The following WDR33 variants were observed in gnomAD, a reference collection of about 807,000 sequenced individuals.
WDR33 encodes WD repeat domain 33, also known as pre-mRNA 3' end processing protein WDR33.
In WDR33, 47 loss-of-function variants were observed where a neutral mutation model predicts 164.9. The ratio of observed to expected loss-of-function variants is 0.29; its 90% CI spans 0.23 to 0.36. The LOEUF (loss-of-function observed/expected upper bound fraction) is 0.36. WDR33 is among the 10% of genes least tolerant of loss of function. The probability of loss-of-function intolerance (pLI) is 1.00; values close to 1 mark genes in which losing one functional copy is unlikely to be tolerated. For missense variants in WDR33, 1,137 were observed against 1,754.1 expected, an observed-to-expected ratio of 0.65 and a Z score of 6.28; for synonymous variants, 505 against 589.0, an observed-to-expected ratio of 0.86 and a Z score of 2.06.
chr2:127,721,740 A>C lies in WDR33; in HGVS notation c.1671+96T>G. On this transcript the variant is annotated intron_variant, in intron 15 of 21. Coordinates refer to ENST00000322313, the MANE Select transcript of WDR33 (RefSeq NM_018383.5). The surrounding 1 kb of genome is among the most constrained non-coding windows in gnomAD (Gnocchi z 4.9). ...ATGGCGGTGTTTGTCAGACCATGGG[A>C]GAGCCCCTTCCCTTTTCCTTAAGAG... is the stretch of plus-strand genomic sequence containing the variant. The C allele has an allele frequency of 5.3e-6, 7 of 1,311,406 alleles. No individual in the cohort carries two copies. Among genetic ancestry groups the C allele is most frequent in the East Asian group, 2.5e-5 (1 of 39,620 alleles). The allele number at this position is 1,311,406 out of a possible 1,614,324, so 81.2% of individuals were successfully genotyped here. A position where few individuals can be genotyped will look rare whatever the true frequency, so the allele number is the denominator to read the frequency against.
Position 127,755,792 on chromosome 2 carries a change from C to T in WDR33, c.724+7270G>A, listed in dbSNP as rs1200990453. 5.3e-5 allele frequency among the ~76,000 whole-genome samples: 8 copies of T among 152,272 alleles called. No individual in the cohort carries two copies. In the East Asian group the frequency reaches 1.5e-3, roughly 29 times the overall value. ...ATCACAAACTACTTTTGTTTAATAA[C>T]ATTAAAAATGTCTGTTGGAGACAAA... On this transcript the variant is annotated intron_variant, in intron 7 of 21. Transcript: ENST00000322313.
intron 1 of WDR33, among the ~76,000 whole-genome samples, chr2:127,794,081 G>A (rs1041812218): frequency 5.3e-5 from 8 of 151,868 alleles, no homozygotes; most frequent in African/African-American, 1.5e-4. Context: ...TGCAGTGGTC[G>A]AGGCTACAGT....
Position 127,759,271 on chromosome 2 carries a change from T to C in WDR33, c.724+3791A>G, listed in dbSNP as rs13404084. 7.0e-3 allele frequency among the ~76,000 whole-genome samples: 1,066 copies of C among 152,358 alleles called. 10 individuals are homozygous for C. The highest frequency in any genetic ancestry group is 0.024 in the African/African-American group (1,014 of 41,572). On this transcript the variant is annotated intron_variant, in intron 7 of 21. Transcript: ENST00000322313. ...CAACTTATGTACCAACAAGGACTTTTGTATAACAAATCCACCGTCAACAGA... is the reference window on the plus strand; with the variant it reads ...CAACTTATGTACCAACAAGGACTTTCGTATAACAAATCCACCGTCAACAGA...
chr2:127,763,818 T>A lies in WDR33; in HGVS notation c.627-659A>T. The A allele has an allele frequency of 2.0e-6, 2 of 985,594 alleles. No individual in the cohort carries two copies. The highest frequency in any genetic ancestry group is 9.4e-5 in the South Asian group (2 of 21,292). 61.1% of individuals were successfully genotyped at this position (985,594 alleles called of 1,614,324 possible). On this transcript the variant is annotated intron_variant, in intron 6 of 21. Coordinates refer to ENST00000322313, the MANE Select transcript of WDR33 (RefSeq NM_018383.5). This position sits in a 1 kb window ranked among gnomAD's most constrained non-coding sequence, Gnocchi z 4.5. ...GTCAGTTTTTCCCAGCAGTGAAAGA[T>A]CATCAAGTTTCTCAACTAACTCTAA...
At chr2:127,707,505 T>C (rs559507179) in intron 21 of WDR33, among the ~76,000 whole-genome samples, 18 of 152,346 alleles carry the variant, frequency 1.2e-4, no homozygotes, top group African/African-American at 3.8e-4. Context: ...TGTCAGCTAC[T>C]ACATCATTCC....
At chr2:127,754,352 G>A (rs1008229216) in intron 7 of WDR33, among the ~76,000 whole-genome samples, 1 of 152,120 alleles carries the variant, frequency 6.6e-6, no homozygotes, top group Admixed American at 6.6e-5. Flanking sequence ...ACAGGTAGGT[G>A]GCAAGCTAAA....
chr2:127,761,801 G>A (rs1394044873), intron 7 of WDR33, among the ~76,000 whole-genome samples: 1 of 152,106 alleles, frequency 6.6e-6, no homozygotes, highest in Non-Finnish European at 1.5e-5. Context: ...ACAATATTAT[G>A]ACCTTTATAG....
rs1467025636 is a variant in WDR33, at chr2:127,710,181, T to C, written c.3309-325A>G. 6.6e-6 allele frequency among the ~76,000 whole-genome samples: 1 copy of C among 152,220 alleles called. No homozygotes were observed. The highest frequency in any genetic ancestry group is 1.5e-5 in the Non-Finnish European group (1 of 68,038). ...AAGCTGGTATTATCAGCAGTTCCAC[T>C]GATGAGAACACTGAGGCCCAGATTG... On this transcript the variant is annotated intron_variant, in intron 18 of 21. Transcript: ENST00000322313. This position sits in a 1 kb window ranked among gnomAD's most constrained non-coding sequence, Gnocchi z 4.4.
At chr2:127,750,701 T>C (rs1317156525) in intron 7 of WDR33, among the ~76,000 whole-genome samples, 9 of 55,938 alleles carry the variant, frequency 1.6e-4, no homozygotes, top group African/African-American at 9.3e-4. Flanking sequence ...TATATATATA[T>C]ATATATATAT....
Position 127,770,270 on chromosome 2 carries a change from T to G in WDR33, c.204+508A>C, listed in dbSNP as rs995166860. ...TTTAGAAGATGATACAGGCACAGAA[T>G]TTTATAAAGTATTAGTGGTTTGAGG... On this transcript the variant is annotated intron_variant, in intron 2 of 21. Transcript: ENST00000322313. This position sits in a 1 kb window ranked among gnomAD's most constrained non-coding sequence, Gnocchi z 4.9. Among the ~76,000 whole-genome samples the G allele has an allele frequency of 2.0e-5, 3 of 152,238 alleles. No individual in the cohort carries two copies. Among genetic ancestry groups the G allele is most frequent in the African/African-American group, 7.2e-5 (3 of 41,448 alleles).
At chr2:127,707,229 TAA>T (rs200273049) in intron 21 of WDR33, among the ~76,000 whole-genome samples, 17 of 122,566 alleles carry the variant, frequency 1.4e-4, no homozygotes, top group Non-Finnish European at 2.1e-4. Flanking sequence ...AGAATATATT[TAA>T]AAAAAAAAAA....
At chr2:127,765,384 T>C in intron 4 of WDR33, 115 bp from the exon 5 acceptor site, 1 of 739,656 alleles carries the variant, frequency 1.4e-6, no homozygotes, top group Non-Finnish European at 2.2e-6. Context: ...ATACTGACTT[T>C]CACTTAAATG....
chr2:127,810,476 G>A (rs193290761), intron 1 of WDR33, among the ~76,000 whole-genome samples: 120 of 152,258 alleles, frequency 7.9e-4, no homozygotes, highest in African/African-American at 2.7e-3. Context: ...TCAGAAACAG[G>A]GATCTAGCAC....
rs139887063 is a variant in WDR33 at position 127,733,657 on chromosome 2, G to A, written c.725-6880C>T. On this transcript the variant is annotated intron_variant, in intron 7 of 21. Transcript: ENST00000322313. Reference sequence around the variant, plus strand: ...AGGGCTTAATAGTCACACGTGACTAGTGGCTAAGAATATCAGACAGGAGAG... The same window carrying A: ...AGGGCTTAATAGTCACACGTGACTAATGGCTAAGAATATCAGACAGGAGAG... Among the ~76,000 whole-genome samples, 3 of 152,260 alleles carry A rather than the reference G, an allele frequency of 2.0e-5. No individual in the cohort carries two copies. The East Asian group carries it at 5.8e-4, about 29-fold the overall frequency.
chr2:127,778,439 GAAAAAAAA>G (rs5834186), intron 1 of WDR33, among the ~76,000 whole-genome samples: 11 of 123,774 alleles, frequency 8.9e-5, no homozygotes, highest in African/African-American at 2.5e-4. Context: ...TCCATCTCAA[GAAAAAAAA>G]AAAAAAGAAA....
chr2:127,719,157 GA>G lies in WDR33; in HGVS notation c.2760+107del, dbSNP rs1345765337. 7.9e-7 allele frequency: 1 copy of G among 1,269,008 alleles called. No individual in the cohort carries two copies. Among genetic ancestry groups the G allele is most frequent in the Non-Finnish European group, 1.0e-6 (1 of 993,484 alleles). 78.6% of individuals were successfully genotyped at this position (1,269,008 alleles called of 1,614,324 possible). On this transcript the variant is annotated intron_variant, in intron 16 of 21. Coordinates refer to ENST00000322313, the MANE Select transcript of WDR33 (RefSeq NM_018383.5). The surrounding 1 kb of genome is among the most constrained non-coding windows in gnomAD (Gnocchi z 6.5). ...GTATCTTAAGCTACTGTCACTACTT[GA>G]TAAGTATTTATATCCAGCTGTGACC...
chr2:127,739,844 G>C (rs73958005), intron 7 of WDR33, among the ~76,000 whole-genome samples: 4,118 of 152,276 alleles, frequency 0.027, 201 homozygotes, highest in African/African-American at 0.093. Flanking sequence ...CTCGATGTGA[G>C]AGCATGTTCC....
intron 1 of WDR33, among the ~76,000 whole-genome samples, chr2:127,783,848 C>T (rs985065227): frequency 6.6e-6 from 1 of 151,850 alleles, no homozygotes; most frequent in Non-Finnish European, 1.5e-5. Flanking sequence ...TCAAATGACC[C>T]TCCTGCCTCG....
intron 1 of WDR33, among the ~76,000 whole-genome samples, chr2:127,809,428 C>CTTTTT (rs70985478): frequency 8.2e-4 from 78 of 94,606 alleles, no homozygotes; most frequent in Non-Finnish European, 1.0e-3. Flanking sequence ...AGCCAAATTC[C>CTTTTT]TTTTTTTTTT....
Sources: allele counts gnomAD v4.1 joint callset (sites outside exome capture counted in the v4.1 genomes callset), GRCh38; gene constraint gnomAD v4.1.1; non-coding constraint Gnocchi (gnomAD v3.1); transcripts MANE v1.5; gene names NCBI Gene and HGNC (gene_info 2026-07-23, HGNC 2026-07-21).